The following PCDHGB3 variants were observed in gnomAD, a reference collection of about 807,000 sequenced individuals.
PCDHGB3 encodes the protein protocadherin gamma subfamily B, 3, also known as protocadherin gamma-B3.
A neutral mutation model predicts 59.2 loss-of-function variants in PCDHGB3; 40 were observed. The observed-to-expected ratio is 0.68, with a 90% CI of 0.52 to 0.88. The LOEUF (loss-of-function observed/expected upper bound fraction) is 0.88, where lower values mean the gene tolerates loss of function less well. Among genes scored for constraint, PCDHGB3 ranks in the 40% least tolerant of loss-of-function variants. PCDHGB3 has a pLI of 0.00. For synonymous variants in PCDHGB3, 581 were observed against 503.6 expected (o/e 1.15, Z -2.06); for missense variants, 1,309 against 1,187.9 (o/e 1.10, Z -1.50).
At chr5:141,488,564 G>T (rs1047904416) in intron 1 of PCDHGB3, among the ~76,000 whole-genome samples, 1 of 152,154 alleles carries the variant, frequency 6.6e-6, no homozygotes, top group African/African-American at 2.4e-5. Context: ...TGAGATTTCC[G>T]CAAAGCATTG....
chr5:141,470,019 C>G (rs2099219272), intron 1 of PCDHGB3, among the ~76,000 whole-genome samples: 1 of 152,154 alleles, frequency 6.6e-6, no homozygotes, highest in South Asian at 2.1e-4. Context: ...ATCCCAGCTA[C>G]TCGGGATGCT....
intron 1 of PCDHGB3, chr5:141,478,917 T>A: frequency 1.3e-6 from 1 of 772,666 alleles, no homozygotes; most frequent in Middle Eastern, 3.9e-4. Flanking sequence ...TGGATACCTC[T>A]AACCAGTGGC....
chr5:141,371,686 C>G lies in PCDHGB3; in HGVS notation c.1292C>G (p.Pro431Arg). 1 of 1,614,028 alleles carries G rather than the reference C, an allele frequency of 6.2e-7. No homozygotes were observed. Among genetic ancestry groups the G allele is most frequent in the East Asian group, 2.2e-5 (1 of 44,886 alleles). The part of the protein sequence containing the change: ...TITATDKGNP[P>R]LSSSKTITLH... ...ACAGCTACCGACAAAGGCAATCCAC[C>G]GCTCTCCTCCAGCAAGACCATCACT... Residue 431 changes from proline (P) to arginine (R), a missense_variant, in exon 1 of 4, where the codon CCG (proline) becomes CGG (arginine). Pro to Arg is a moderately radical substitution (Grantham distance 103). Transcript: ENST00000576222.
At chr5:141,488,031 A>G (rs1475176300) in intron 1 of PCDHGB3, among the ~76,000 whole-genome samples, 1 of 152,122 alleles carries the variant, frequency 6.6e-6, no homozygotes, top group Non-Finnish European at 1.5e-5. Context: ...CTAGGTTACC[A>G]TTTCCCAAGG....
At chr5:141,481,703 C>T (rs909197135) in intron 1 of PCDHGB3, among the ~76,000 whole-genome samples, 1 of 152,090 alleles carries the variant, frequency 6.6e-6, no homozygotes, top group Admixed American at 6.5e-5. Context: ...CCTGTAATCC[C>T]AGCACTTTGG....
chr5:141,380,568 A>T (rs1449370426), intron 1 of PCDHGB3, among the ~76,000 whole-genome samples: 1 of 152,214 alleles, frequency 6.6e-6, no homozygotes, highest in Admixed American at 6.5e-5. Context: ...TTTATTAAAC[A>T]TATCTTGGCG....
At chr5:141,446,604 G>C (rs1226194089) in intron 1 of PCDHGB3, among the ~76,000 whole-genome samples, 1 of 152,134 alleles carries the variant, frequency 6.6e-6, no homozygotes, top group Non-Finnish European at 1.5e-5. Flanking sequence ...AGCCTCCTGA[G>C]TAGCTGGGAC....
At chr5:141,391,618 TA>T (rs2092399304) in intron 1 of PCDHGB3, 3 of 152,366 alleles carry the variant, frequency 2.0e-5, no homozygotes, top group African/African-American at 7.2e-5. Flanking sequence ...TGAGTGGTTT[TA>T]AGAAAGTTTT....
intron 1 of PCDHGB3, chr5:141,414,906 A>C (rs749933537): frequency 6.2e-7 from 1 of 1,614,146 alleles, no homozygotes; most frequent in Admixed American, 1.7e-5. Context: ...ACGGTTCCAC[A>C]GGCGTGGAGC....
chr5:141,422,304 A>C (rs1265775894), intron 1 of PCDHGB3: 2 of 1,548,406 alleles, frequency 1.3e-6, no homozygotes. Context: ...CAATTCTGGA[A>C]AACTCTCCTC....
chr5:141,478,382 C>A (rs1287807889), intron 1 of PCDHGB3: 2 of 1,613,552 alleles, frequency 1.2e-6, no homozygotes, highest in South Asian at 2.2e-5. Flanking sequence ...GTCGCCGCAC[C>A]TTTACCATCA....
At chr5:141,413,840 G>T (rs1323659502) in intron 1 of PCDHGB3, 1 of 1,613,306 alleles carries the variant, frequency 6.2e-7, no homozygotes, top group Non-Finnish European at 8.5e-7. Flanking sequence ...TCCGACGGGG[G>T]TGACCCTCTC....
At chr5:141,448,000 C>T (rs1363676731) in intron 1 of PCDHGB3, among the ~76,000 whole-genome samples, 3 of 151,840 alleles carry the variant, frequency 2.0e-5, no homozygotes, top group Non-Finnish European at 4.4e-5. Flanking sequence ...GCATGAGAAT[C>T]GCTTGAACCC....
chr5:141,422,968 C>T lies in PCDHGB3; in HGVS notation c.2415+50159C>T. 6.2e-7 allele frequency: 1 copy of T among 1,614,240 alleles called. No homozygotes were observed. Among genetic ancestry groups the T allele is most frequent in the South Asian group, 1.1e-5 (1 of 91,086 alleles). On this transcript the variant is annotated intron_variant, in intron 1 of 3. Coordinates refer to ENST00000576222, the MANE Select transcript of PCDHGB3 (RefSeq NM_018924.5). ...CTCCACTGGCGTGGAGCTGGCGCCC[C>T]GCTCTGCGGAACCTGGCTACCTGGT...
intron 1 of PCDHGB3, chr5:141,419,732 G>A (rs2096422854): frequency 6.2e-7 from 1 of 1,613,792 alleles, no homozygotes; most frequent in Non-Finnish European, 8.5e-7. Flanking sequence ...GCGAACAGGC[G>A]AGGTGCGCAT....
At chr5:141,375,232 C>A in intron 1 of PCDHGB3, 1 of 1,613,986 alleles carries the variant, frequency 6.2e-7, no homozygotes, top group South Asian at 1.1e-5. Context: ...GCCTGGTAAC[C>A]TGTTCCATCC....
intron 1 of PCDHGB3, chr5:141,404,321 T>C (rs764642673): frequency 1.2e-6 from 2 of 1,613,882 alleles, no homozygotes; most frequent in East Asian, 2.2e-5. Flanking sequence ...TCAAGCCTCC[T>C]ACTCAGTCTA....
chr5:141,469,206 AG>A (rs1457933263), intron 1 of PCDHGB3, among the ~76,000 whole-genome samples: 1 of 150,920 alleles, frequency 6.6e-6, no homozygotes, highest in African/African-American at 2.4e-5. Context: ...AGCCTTTTGA[AG>A]TTGAGGCTTC....
At chr5:141,417,770 T>G in intron 1 of PCDHGB3, 1 of 1,456,418 alleles carries the variant, frequency 6.9e-7, no homozygotes, top group Non-Finnish European at 9.1e-7. Context: ...CCGGGACTCC[T>G]CCTGTCCTGG....
Sources: gnomAD v4.1 joint callset for allele counts (sites outside exome capture counted in the v4.1 genomes callset) on GRCh38, gnomAD v4.1.1 for gene constraint, MANE v1.5 for transcripts, NCBI Gene and HGNC (gene_info 2026-07-23, HGNC 2026-07-21) for gene names.